The following INPP5K variants were observed in gnomAD, a reference collection of about 807,000 sequenced individuals.
INPP5K encodes the protein inositol polyphosphate 5-phosphatase K.
INPP5K carries 35 observed loss-of-function variants against 53.5 expected under a neutral mutation model. The observed-to-expected ratio is 0.65, with a 90% confidence interval of 0.50 to 0.87. The LOEUF (loss-of-function observed/expected upper bound fraction) is 0.87. Among genes scored for constraint, INPP5K ranks in the 40% least tolerant of loss-of-function variants. The pLI, the probability that INPP5K is intolerant of heterozygous loss-of-function variation, is 0.00. For missense variants in INPP5K, 550 were observed against 586.2 expected (o/e 0.94, Z 0.64); for synonymous variants, 253 against 232.8 (o/e 1.09, Z -0.79).
At chr17:1,504,558 C>G (rs568809351) in intron 7 of INPP5K, among the ~76,000 whole-genome samples, 77 of 152,302 alleles carry the variant, frequency 5.1e-4, no homozygotes, top group Admixed American at 7.2e-4. Context: ...GAAGCAGTAC[C>G]GAAGGCTCAT....
In INPP5K at chr17:1,500,086, C is replaced by A. The variant is rs561272740; in HGVS notation, c.777-1964G>T. Among the ~76,000 whole-genome samples the A allele has an allele frequency of 3.8e-3, 581 of 152,262 alleles. 2 individuals are homozygous for A. The highest frequency in any genetic ancestry group is 0.013 in the African/African-American group (559 of 41,564). On this transcript the variant is annotated intron_variant, in intron 7 of 11. Transcript: ENST00000421807. ...CCTCCGCCTCCTGACCAGCTGGGACCACAGGCATGTGCCAGGGCACCCGGC... is the reference window on the plus strand; with the variant it reads ...CCTCCGCCTCCTGACCAGCTGGGACAACAGGCATGTGCCAGGGCACCCGGC...
chr17:1,506,935 G>T, intron 7 of INPP5K, 45 bp downstream of exon 7: 1 of 1,357,922 alleles, frequency 7.4e-7, no homozygotes, highest in Non-Finnish European at 1.1e-6. Context: ...CAGGGTCAGT[G>T]TAACCTGACT....
intron 3 of INPP5K, among the ~76,000 whole-genome samples, chr17:1,511,108 C>T (rs546005172): frequency 5.8e-4 from 89 of 152,254 alleles, no homozygotes; most frequent in Non-Finnish European, 8.7e-4. Context: ...ATGAAGGCAA[C>T]GCCCATGGAA....
At chr17:1,498,856 C>T (rs1474042260) in intron 7 of INPP5K, among the ~76,000 whole-genome samples, 2 of 152,190 alleles carry the variant, frequency 1.3e-5, no homozygotes, top group African/African-American at 4.8e-5. Context: ...CTCAGCTTCC[C>T]AAAGTGTTGG....
At chr17:1,506,939 C>T (rs1169320288) in intron 7 of INPP5K, 41 bp downstream of exon 7, 1 of 1,408,780 alleles carries the variant, frequency 7.1e-7, no homozygotes, top group Non-Finnish European at 1.0e-6. Flanking sequence ...GTCAGTGTAA[C>T]CTGACTTCCT....
chr17:1,505,701 C>T (rs2075137295), intron 7 of INPP5K, among the ~76,000 whole-genome samples: 1 of 152,196 alleles, frequency 6.6e-6, no homozygotes, highest in Non-Finnish European at 1.5e-5. Flanking sequence ...TTGAGTTCTA[C>T]CTCTTGTCTT....
intron 7 of INPP5K, among the ~76,000 whole-genome samples, chr17:1,501,223 G>T (rs1302735449): frequency 1.3e-5 from 2 of 152,286 alleles, no homozygotes; most frequent in East Asian, 3.9e-4. Flanking sequence ...CTCCCAAAGT[G>T]CTGGGATTAT....
chr17:1,495,632 G>A lies in INPP5K; in HGVS notation c.*191C>T. The A allele has an allele frequency of 1.8e-6, 1 of 567,678 alleles. No individual in the cohort carries two copies. The highest frequency in any genetic ancestry group is 3.1e-6 in the Non-Finnish European group (1 of 322,058). 35.2% of individuals were successfully genotyped at this position (567,678 alleles called of 1,614,324 possible). On this transcript the variant is annotated 3_prime_UTR_variant, in exon 12 of 12. Transcript: ENST00000421807. ...CTCAGCAACAAAAACCTGTATTTAA[G>A]CGGCTAATTCCAGAGATGAGTAGTG...
rs1283737935 is a variant in INPP5K, at chr17:1,516,437, G to A, written c.44+19C>T. 1 of 1,588,868 alleles carries A rather than the reference G, an allele frequency of 6.3e-7. No homozygotes were observed. Among genetic ancestry groups the A allele is most frequent in the Non-Finnish European group, 8.5e-7 (1 of 1,175,528 alleles). ...GATCCCCCCGAGCAGGCCTGCCTCT[G>A]CCGCCAGGGTGCCCTCACCTGAGCC... On this transcript the variant is annotated intron_variant, in intron 1 of 11. Transcript: ENST00000421807.
At chr17:1,514,850 C>T (rs973338074) in intron 1 of INPP5K, among the ~76,000 whole-genome samples, 1 of 151,940 alleles carries the variant, frequency 6.6e-6, no homozygotes, top group African/African-American at 2.4e-5. Context: ...CCCTTCCTCT[C>T]TCCTCCCTAG....
rs994369760 is a variant in INPP5K, at chr17:1,495,347, C to T, written c.*476G>A. On this transcript the variant is annotated 3_prime_UTR_variant, in exon 12 of 12. Transcript: ENST00000421807. The stretch of plus-strand genomic sequence containing the variant: ...ACCCTCTGCTCACTCCTCACGGGGA[C>T]AAGCTATGAGATGCCAAGACTCCTG... 1.3e-5 allele frequency: 2 copies of T among 155,988 alleles called. No homozygotes were observed. The highest frequency in any genetic ancestry group is 4.8e-5 in the African/African-American group (2 of 41,492). 9.7% of individuals were successfully genotyped at this position (155,988 alleles called of 1,614,324 possible). A position where few individuals can be genotyped will look rare whatever the true frequency, so the allele number is the denominator to read the frequency against.
At chr17:1,513,695 G>T (rs2075363402) in intron 2 of INPP5K, 134 bp from the exon 3 acceptor site, 1 of 922,562 alleles carries the variant, frequency 1.1e-6, no homozygotes, top group African/African-American at 1.6e-5. Context: ...CCTGCCTGCT[G>T]ATCTCCAGCC....
rs764014020 is a variant in INPP5K at position 1,498,085 on chromosome 17, G to A, written c.814C>T (p.Leu272=). ...KRKPAWTDRI[L]WRLKRQPCAG... is the part of the protein sequence containing the mutation. ...CAGGGCTGCCGCTTCAGCCTCCACAGGATGCGATCGGTCCATGCAGGCTTG... is the reference window on the plus strand; with the variant it reads ...CAGGGCTGCCGCTTCAGCCTCCACAAGATGCGATCGGTCCATGCAGGCTTG... Residue 272 remains leucine (L), a synonymous_variant, in exon 8 of 12, where the codon CTG becomes TTG. Coordinates refer to ENST00000421807, the MANE Select transcript of INPP5K (RefSeq NM_016532.4). The A allele has an allele frequency of 1.2e-6, 2 of 1,613,792 alleles. No individual in the cohort carries two copies. The highest frequency in any genetic ancestry group is 1.7e-6 in the Non-Finnish European group (2 of 1,179,808).
At chr17:1,508,731 AGC>A (rs1311525617) in intron 5 of INPP5K, among the ~76,000 whole-genome samples, 2 of 149,254 alleles carry the variant, frequency 1.3e-5, no homozygotes. Context: ...GGCTTGGGTT[AGC>A]GTGGGGCAGA....
chr17:1,497,136 C>G (rs546365358), intron 8 of INPP5K, among the ~76,000 whole-genome samples: 6 of 152,194 alleles, frequency 3.9e-5, no homozygotes, highest in Admixed American at 2.0e-4. Flanking sequence ...ACCCAAAGCC[C>G]CACATGGGGG....
Position 1,509,744 on chromosome 17 carries a change from T to C in INPP5K, c.317A>G (p.His106Arg), listed in dbSNP as rs759055364. The change falls in exon 4 of 12, where the codon CAT becomes CGT. Residue 106 changes from histidine (H) to arginine (R), a missense_variant. Physicochemically the swap from His to Arg is conservative, Grantham distance 29. Transcript: ENST00000421807. ...AGACAGAATCTGGATATAGGGCAAA[T>C]GCTGATACTTGGCAAAGACCAGTAA... ...ILLLVFAKYQ[H>R]LPYIQILSTK... 2 of 1,613,768 alleles carry C rather than the reference T, an allele frequency of 1.2e-6. No homozygotes were observed. The highest frequency in any genetic ancestry group is 1.7e-5 in the Admixed American group (1 of 59,960).
In INPP5K at chr17:1,513,907, G is replaced by A. The variant is rs1372513053; in HGVS notation, c.117C>T (p.Asn39=). 3 of 1,613,546 alleles carry A rather than the reference G, an allele frequency of 1.9e-6. No individual in the cohort carries two copies. The highest frequency in any genetic ancestry group is 1.7e-4 in the Middle Eastern group (1 of 6,060). ...ATATGTCAAGATTGAGGTTCCGGTT[G>A]TTCAGCTGAAGCAGGTCACTGAGAT... is the stretch of plus-strand genomic sequence containing the variant. ...PLDLSDLLQL[N]NRNLNLDIYV... Residue 39 remains asparagine, a synonymous_variant, in exon 2 of 12, where the codon AAC becomes AAT. Coordinates refer to ENST00000421807, the MANE Select transcript of INPP5K (RefSeq NM_016532.4).
chr17:1,514,048 G>A (rs536972600), intron 1 of INPP5K, 69 bp from the exon 2 acceptor site: 22 of 1,069,980 alleles, frequency 2.1e-5, no homozygotes, highest in South Asian at 3.0e-5. Flanking sequence ...TCGGCTGGGC[G>A]CAGAGGCTCA....
intron 7 of INPP5K, among the ~76,000 whole-genome samples, chr17:1,503,625 C>A (rs959159344): frequency 5.3e-5 from 8 of 151,874 alleles, no homozygotes; most frequent in African/African-American, 1.9e-4. Flanking sequence ...CTGAGGCAGG[C>A]GAGAATCACT....
Sources: allele counts gnomAD v4.1 joint callset (sites outside exome capture counted in the v4.1 genomes callset), GRCh38; gene constraint gnomAD v4.1.1; transcripts MANE v1.5; gene names NCBI Gene and HGNC (gene_info 2026-07-23, HGNC 2026-07-21).